Variants in INSL6 observed in about 807,000 individuals in gnomAD.
The protein encoded by INSL6 is insulin like 6.
In INSL6, 16 loss-of-function variants were observed where a neutral mutation model predicts 9.4. The observed-to-expected ratio is 1.70, with a 90% CI of 1.15 to 2.59. The LOEUF (loss-of-function observed/expected upper bound fraction) is 2.59, where lower values mean the gene tolerates loss of function less well. INSL6 is among the 30% of genes most tolerant of loss of function. The probability of loss-of-function intolerance (pLI) is 0.00; values close to 1 mark genes in which losing one functional copy is unlikely to be tolerated. For missense variants in INSL6, 391 were observed against 257.3 expected, an observed-to-expected ratio of 1.52 and a Z score of -3.56; for synonymous variants, 154 against 96.9, an observed-to-expected ratio of 1.59 and a Z score of -3.46.
the INSL6 span, among the ~76,000 whole-genome samples, chr9:5,106,337 C>T: frequency 6.6e-6 from 1 of 152,152 alleles, no homozygotes; most frequent in African/African-American, 2.4e-5. Flanking sequence ...GAAATCAAAA[C>T]CACAATGAGA....
At chr9:5,021,467 G>T in the INSL6 span, among the ~76,000 whole-genome samples, 7 of 152,284 alleles carry the variant, frequency 4.6e-5, no homozygotes, top group African/African-American at 1.7e-4. Flanking sequence ...TTTGTCCACA[G>T]GAAGTTTAAA....
the INSL6 span, among the ~76,000 whole-genome samples, chr9:5,095,188 C>T: frequency 6.6e-6 from 1 of 152,058 alleles, no homozygotes; most frequent in Non-Finnish European, 1.5e-5. Flanking sequence ...CTATTGGGCC[C>T]ATTCTCCTGA....
chr9:5,133,883 A>G (rs1824338005), intron 2 of INSL6, among the ~76,000 whole-genome samples: 1 of 151,004 alleles, frequency 6.6e-6, no homozygotes, highest in Non-Finnish European at 1.5e-5. Context: ...GAAGGTTGGT[A>G]ATTACAAACT....
the INSL6 span, among the ~76,000 whole-genome samples, chr9:5,038,686 C>G: frequency 6.6e-6 from 1 of 151,014 alleles, no homozygotes; most frequent in Non-Finnish European, 1.5e-5. Context: ...CTGAAATGCT[C>G]TGATGAATAT....
At chr9:5,080,459 C>G in the INSL6 span, 2 of 1,526,280 alleles carry the variant, frequency 1.3e-6, no homozygotes, top group African/African-American at 1.4e-5. Context: ...TATTTTTTAG[C>G]CCATCTAATT....
the INSL6 span, among the ~76,000 whole-genome samples, chr9:5,050,265 A>G: frequency 2.0e-5 from 3 of 152,214 alleles, no homozygotes; most frequent in African/African-American, 7.2e-5. Flanking sequence ...AAAATGAATG[A>G]AAATTAAAGG....
chr9:5,128,080 TTGTG>T (rs139964957), intron 3 of INSL6: 24,558 of 222,886 alleles, frequency 0.11, 1,143 homozygotes, highest in African/African-American at 0.22. Flanking sequence ...ATGGTGGGTT[TTGTG>T]TGTGTGTGTG....
At chr9:5,150,604 G>A (rs75503414) in intron 2 of INSL6, among the ~76,000 whole-genome samples, 7,766 of 152,118 alleles carry the variant, frequency 0.051, 250 homozygotes, top group Middle Eastern at 0.13. Flanking sequence ...GGAGAAAAGA[G>A]AACACTTATT....
At chr9:5,110,673 C>G in the INSL6 span, 3 of 310,884 alleles carry the variant, frequency 9.6e-6, no homozygotes, top group Admixed American at 1.3e-4. Context: ...TGTCATATAC[C>G]AACGCCTGAG....
chr9:5,144,676 A>G (rs1343122051), intron 2 of INSL6, among the ~76,000 whole-genome samples: 1 of 152,200 alleles, frequency 6.6e-6, no homozygotes, highest in African/African-American at 2.4e-5. Context: ...GTGCAAACAT[A>G]TTTAGGATAG....
intron 2 of INSL6, among the ~76,000 whole-genome samples, chr9:5,158,473 A>C (rs1187526532): frequency 2.0e-5 from 3 of 152,262 alleles, no homozygotes; most frequent in Non-Finnish European, 4.4e-5. Flanking sequence ...TCCTAAAAGC[A>C]GCAAGAGAAA....
chr9:5,075,308 C>CA, the INSL6 span, among the ~76,000 whole-genome samples: 1 of 152,186 alleles, frequency 6.6e-6, no homozygotes, highest in Non-Finnish European at 1.5e-5. Context: ...CAAATGTAAA[C>CA]AAAACAGCCT....
At chr9:5,094,958 A>G in the INSL6 span, 2 of 152,176 alleles carry the variant, frequency 1.3e-5, no homozygotes, top group African/African-American at 4.8e-5. Flanking sequence ...TACCACTTAC[A>G]TTAGCATTCT....
At chr9:5,031,178 C>T in the INSL6 span, among the ~76,000 whole-genome samples, 1 of 152,060 alleles carries the variant, frequency 6.6e-6, no homozygotes, top group South Asian at 2.1e-4. Context: ...CAATCAAAAT[C>T]CTAACAAAGG....
intron 2 of INSL6, among the ~76,000 whole-genome samples, chr9:5,150,846 G>GACACACACACACACACAC (rs59479266): frequency 6.8e-6 from 1 of 146,290 alleles, no homozygotes; most frequent in African/African-American, 2.5e-5. Context: ...GGATAAAGGA[G>GACACACACACACACACAC]ACACACACAC....
the INSL6 span, among the ~76,000 whole-genome samples, chr9:5,081,328 T>C: frequency 6.6e-6 from 1 of 152,082 alleles, no homozygotes; most frequent in Non-Finnish European, 1.5e-5. Context: ...TTATAATTGA[T>C]TGATTCTCTA....
chr9:5,015,406 T>A, the INSL6 span, among the ~76,000 whole-genome samples: 1 of 152,240 alleles, frequency 6.6e-6, no homozygotes, highest in African/African-American at 2.4e-5. Flanking sequence ...GTTAAATGTC[T>A]TTTTCATTGA....
At chr9:5,159,151 A>G (rs932539743), downstream of INSL6, among the ~76,000 whole-genome samples, 1 of 152,168 alleles carries the variant, frequency 6.6e-6, no homozygotes, top group African/African-American at 2.4e-5. Flanking sequence ...GATACACAAA[A>G]AATCAAAAAG....
chr9:5,168,684 C>A (rs1232484757), intron 1 of INSL6, among the ~76,000 whole-genome samples: 1 of 151,348 alleles, frequency 6.6e-6, no homozygotes, highest in East Asian at 1.9e-4. Flanking sequence ...GAGAATTTCC[C>A]CAAATTAGCA....
Sources: gnomAD v4.1 joint callset for allele counts (sites outside exome capture counted in the v4.1 genomes callset) on GRCh38, gnomAD v4.1.1 for gene constraint, MANE v1.5 for transcripts, NCBI Gene and HGNC (gene_info 2026-07-23, HGNC 2026-07-21) for gene names.